Variants in CLIC5 observed in about 807,000 individuals in gnomAD.
The protein encoded by CLIC5 is chloride intracellular channel protein 5.
Under a neutral mutation model 24.7 loss-of-function variants are expected in CLIC5, and 20 were observed. The observed-to-expected ratio is 0.81, with a 90% CI of 0.57 to 1.18. CLIC5 has a LOEUF of 1.18. CLIC5 is among the 50% of genes most tolerant of loss of function. The pLI is 0.00. For missense variants in CLIC5, 341 were observed against 326.1 expected (o/e 1.05, Z -0.35); for synonymous variants, 159 against 135.6 (o/e 1.17, Z -1.20).
chr6:46,108,015 C>CAAG, the CLIC5 span, among the ~76,000 whole-genome samples: 4 of 35,006 alleles, frequency 1.1e-4, no homozygotes, highest in Non-Finnish European at 1.6e-4. Context: ...GCCAGGGCAA[C>CAAG]AAGAGCAAAA....
At chr6:45,939,539 C>T (rs1764058838) in intron 4 of CLIC5, among the ~76,000 whole-genome samples, 1 of 152,092 alleles carries the variant, frequency 6.6e-6, no homozygotes, top group African/African-American at 2.4e-5. Context: ...AGGGACTACA[C>T]TAAATGCAAG....
chr6:45,911,856 G>T (rs1762832150), intron 5 of CLIC5: 1 of 985,386 alleles, frequency 1.0e-6, no homozygotes, highest in African/African-American at 1.7e-5. Context: ...TGGCTGCTGA[G>T]CTGGTCATTT....
intron 1 of CLIC5, among the ~76,000 whole-genome samples, chr6:46,008,698 G>A (rs1766690227): frequency 6.6e-6 from 1 of 152,044 alleles, no homozygotes; most frequent in Non-Finnish European, 1.5e-5. Context: ...AAAATTATGT[G>A]TCACTCCTAT....
chr6:46,047,560 T>C (rs1767986568), intron 1 of CLIC5, among the ~76,000 whole-genome samples: 1 of 152,214 alleles, frequency 6.6e-6, no homozygotes, highest in African/African-American at 2.4e-5. Flanking sequence ...AGAAATTCTC[T>C]CTTGTCAGGA....
At chr6:46,025,341 A>G (rs1008238829) in intron 1 of CLIC5, among the ~76,000 whole-genome samples, 1 of 152,226 alleles carries the variant, frequency 6.6e-6, no homozygotes, top group African/African-American at 2.4e-5. Flanking sequence ...AGAATTTCAG[A>G]GGCAACATCT....
At chr6:45,986,045 A>AGACATGACCATGC (rs2127418770) in intron 1 of CLIC5, among the ~76,000 whole-genome samples, 1 of 152,262 alleles carries the variant, frequency 6.6e-6, no homozygotes, top group African/African-American at 2.4e-5. Flanking sequence ...GCCTGCCACA[A>AGACATGACCATGC]TCTAAGACAT....
intron 1 of CLIC5, among the ~76,000 whole-genome samples, chr6:46,009,941 C>T (rs1766744132): frequency 6.6e-6 from 1 of 152,174 alleles, no homozygotes; most frequent in Admixed American, 6.5e-5. Context: ...TTACTCCAGA[C>T]ATGGGCTCTA....
At chr6:46,109,991 G>A in the CLIC5 span, among the ~76,000 whole-genome samples, 1 of 152,088 alleles carries the variant, frequency 6.6e-6, no homozygotes, top group African/African-American at 2.4e-5. Flanking sequence ...TAAGCCCAGG[G>A]CATAAAATCC....
chr6:45,960,767 T>A (rs1764819365), intron 1 of CLIC5, among the ~76,000 whole-genome samples: 2 of 152,218 alleles, frequency 1.3e-5, no homozygotes, highest in Admixed American at 6.5e-5. Context: ...TGCTGCATGC[T>A]GTACCGATGC....
At chr6:46,120,330 G>A in the CLIC5 span, among the ~76,000 whole-genome samples, 1 of 152,344 alleles carries the variant, frequency 6.6e-6, no homozygotes, top group East Asian at 1.9e-4. Flanking sequence ...AGGGTCTGGA[G>A]TGGACCTCCA....
At chr6:46,112,123 T>C in the CLIC5 span, among the ~76,000 whole-genome samples, 1 of 152,136 alleles carries the variant, frequency 6.6e-6, no homozygotes, top group Non-Finnish European at 1.5e-5. Flanking sequence ...ATATACTTAT[T>C]TGACATATTT....
At chr6:45,939,211 TCTC>T (rs1764043023) in intron 4 of CLIC5, among the ~76,000 whole-genome samples, 1 of 145,020 alleles carries the variant, frequency 6.9e-6, no homozygotes, top group Non-Finnish European at 1.5e-5. Context: ...TGTCCTCTCC[TCTC>T]CTCTTTTTTT....
At chr6:45,880,970 G>T (rs1762257810), downstream of CLIC5, 1 of 394,348 alleles carries the variant, frequency 2.5e-6, no homozygotes, top group Admixed American at 4.4e-5. Context: ...TTACTAGAGG[G>T]AATGGGGGGA....
the CLIC5 span, among the ~76,000 whole-genome samples, chr6:46,093,482 G>A: frequency 1.3e-5 from 2 of 152,260 alleles, no homozygotes; most frequent in East Asian, 3.9e-4. Context: ...GACTAGGAAA[G>A]TCCTGGTATA....
At chr6:45,894,814 C>A (rs185438343), downstream of CLIC5, among the ~76,000 whole-genome samples, 4 of 152,304 alleles carry the variant, frequency 2.6e-5, no homozygotes, top group African/African-American at 9.6e-5. Context: ...TGAATCCATG[C>A]GCACTGTAAG....
At chr6:45,924,351 G>A (rs796747371) in intron 4 of CLIC5, among the ~76,000 whole-genome samples, 2 of 152,272 alleles carry the variant, frequency 1.3e-5, no homozygotes, top group African/African-American at 4.8e-5. Flanking sequence ...GAATTCCCCA[G>A]ATATGCTACA....
chr6:45,970,527 A>T (rs1765165417), intron 1 of CLIC5, among the ~76,000 whole-genome samples: 1 of 152,126 alleles, frequency 6.6e-6, no homozygotes, highest in Admixed American at 6.5e-5. Context: ...TCTTTATTGT[A>T]CTCCCATAAA....
At chr6:46,031,909 A>G (rs1166495284) in intron 1 of CLIC5, among the ~76,000 whole-genome samples, 2 of 147,082 alleles carry the variant, frequency 1.4e-5, no homozygotes, top group Non-Finnish European at 3.0e-5. Context: ...TATATACAAC[A>G]TATATATGTA....
intron 1 of CLIC5, among the ~76,000 whole-genome samples, chr6:45,962,460 C>T (rs1421492981): frequency 6.9e-6 from 1 of 144,650 alleles, no homozygotes; most frequent in African/African-American, 2.6e-5. Flanking sequence ...TCAAAGTTCA[C>T]CAATTTAAAT....
Sources: gnomAD v4.1 joint callset for allele counts (sites outside exome capture counted in the v4.1 genomes callset) on GRCh38, gnomAD v4.1.1 for gene constraint, MANE v1.5 for transcripts, NCBI Gene and HGNC (gene_info 2026-07-23, HGNC 2026-07-21) for gene names.